UGT1A7: variants seen among roughly 807,000 people sequenced by gnomAD.
The protein encoded by UGT1A7 is UDP-glucuronosyltransferase 1A7.
In UGT1A7, 33 loss-of-function variants were observed where a neutral mutation model predicts 45.6. That is an observed-to-expected ratio of 0.72 (90% CI 0.55 to 0.97). The LOEUF is 0.97. Among genes scored for constraint, UGT1A7 ranks in the 50% least tolerant of loss-of-function variants. The pLI, the probability that UGT1A7 is intolerant of heterozygous loss-of-function variation, is 0.00. For synonymous variants in UGT1A7, 274 were observed against 250.6 expected (o/e 1.09, Z -0.88); for missense variants, 684 against 666.2 (o/e 1.03, Z -0.29).
At chr2:233,768,085 C>T (rs1699559246) in intron 3 of UGT1A7, 135 bp from the exon 4 acceptor site, 1 of 1,591,380 alleles carries the variant, frequency 6.3e-7, no homozygotes, top group East Asian at 2.2e-5. Context: ...TATCTCAACC[C>T]ACATTTTCTT....
intron 1 of UGT1A7, among the ~76,000 whole-genome samples, chr2:233,704,412 T>C (rs965264782): frequency 1.8e-4 from 28 of 152,182 alleles, no homozygotes; most frequent in African/African-American, 6.5e-4. Context: ...TTCAGATTTA[T>C]ACCAACTTAA....
chr2:233,753,853 A>G (rs1695329798), intron 1 of UGT1A7, among the ~76,000 whole-genome samples: 1 of 152,184 alleles, frequency 6.6e-6, no homozygotes, highest in Non-Finnish European at 1.5e-5. Flanking sequence ...TCATTGACCA[A>G]CCACATAACC....
intron 1 of UGT1A7, among the ~76,000 whole-genome samples, chr2:233,732,755 G>GTTT (rs956485327): frequency 1.7e-5 from 2 of 120,222 alleles, no homozygotes; most frequent in African/African-American, 3.0e-5. Flanking sequence ...CACCAGCTTT[G>GTTT]TTTTTTTTTT....
chr2:233,715,994 A>C (rs976183332), intron 1 of UGT1A7, among the ~76,000 whole-genome samples: 1 of 152,088 alleles, frequency 6.6e-6, no homozygotes, highest in African/African-American at 2.4e-5. Context: ...ACACAACAAA[A>C]CCCAAAATGA....
chr2:233,688,981 C>T (rs879842789), intron 1 of UGT1A7, among the ~76,000 whole-genome samples: 2 of 152,190 alleles, frequency 1.3e-5, no homozygotes, highest in African/African-American at 2.4e-5. Flanking sequence ...TCTTTCCCTT[C>T]ATCCCTATGT....
At chr2:233,722,022 T>C (rs2076987174) in intron 1 of UGT1A7, 2 of 248,590 alleles carry the variant, frequency 8.0e-6, no homozygotes, top group Non-Finnish European at 1.6e-5. Flanking sequence ...AACTGAAACC[T>C]CTTGAATTGC....
At position 233,690,407 on chromosome 2, in the gene UGT1A7, T is replaced by C. The variant is rs562981607; in HGVS notation, c.855+7615T>C. The C allele has an allele frequency of 2.3e-4, 269 of 1,195,420 alleles. 5 individuals are homozygous for C. In the South Asian group the frequency reaches 3.5e-3, roughly 16 times the overall value. The allele number at this position is 1,195,420 out of a possible 1,614,324, so 74.1% of individuals were successfully genotyped here. On this transcript the variant is annotated intron_variant, in intron 1 of 4. Coordinates refer to ENST00000373426, the MANE Select transcript of UGT1A7 (RefSeq NM_019077.3). Reference sequence around the variant, plus strand: ...TTTCCAGACCTTCCTATTCCCAACATGAAATTACCTTCATGCACATCTTTG... The same window carrying C: ...TTTCCAGACCTTCCTATTCCCAACACGAAATTACCTTCATGCACATCTTTG...
chr2:233,710,157 C>G (rs2076114557), intron 1 of UGT1A7, among the ~76,000 whole-genome samples: 1 of 152,134 alleles, frequency 6.6e-6, no homozygotes, highest in Non-Finnish European at 1.5e-5. Flanking sequence ...TCATCATTTG[C>G]TTATGCATTT....
At chr2:233,718,783 G>A (rs372445273) in intron 1 of UGT1A7, 52 of 1,612,928 alleles carry the variant, frequency 3.2e-5, no homozygotes, top group African/African-American at 1.5e-4. Flanking sequence ...CAGGCACAGC[G>A]TGGGGTGGAC....
At position 233,719,647 on chromosome 2, in the gene UGT1A7, T is replaced by C. The variant is rs201461954; in HGVS notation, c.855+36855T>C. 6.3e-5 allele frequency: 101 copies of C among 1,614,092 alleles called. No homozygotes were observed. Among genetic ancestry groups the C allele is most frequent in the East Asian group, 2.9e-4 (13 of 44,880 alleles). On this transcript the variant is annotated intron_variant, in intron 1 of 4. Coordinates refer to ENST00000373426, the MANE Select transcript of UGT1A7 (RefSeq NM_019077.3). ...CCGATCATGCCCAACATGGTCTTCATTGGGGGCATCAACTGTGCCAACGGG... is the reference window on the plus strand; with the variant it reads ...CCGATCATGCCCAACATGGTCTTCACTGGGGGCATCAACTGTGCCAACGGG...
At chr2:233,686,774 T>C (rs1410768697) in intron 1 of UGT1A7, among the ~76,000 whole-genome samples, 1 of 152,160 alleles carries the variant, frequency 6.6e-6, no homozygotes, top group Non-Finnish European at 1.5e-5. Context: ...TATGCAACAC[T>C]CCAACTCTCC....
chr2:233,716,312 G>A (rs1303311282), intron 1 of UGT1A7, among the ~76,000 whole-genome samples: 1 of 152,118 alleles, frequency 6.6e-6, no homozygotes, highest in African/African-American at 2.4e-5. Flanking sequence ...TCTTCCACCT[G>A]TAATGGAATA....
chr2:233,684,973 TTGA>T (rs796323328), intron 1 of UGT1A7, among the ~76,000 whole-genome samples: 38 of 152,250 alleles, frequency 2.5e-4, no homozygotes, highest in African/African-American at 8.9e-4. Context: ...AAAGCATTGC[TTGA>T]TGATGCAGTG....
At chr2:233,731,204 C>T (rs755932690) in intron 1 of UGT1A7, among the ~76,000 whole-genome samples, 4 of 151,184 alleles carry the variant, frequency 2.6e-5, no homozygotes, top group Admixed American at 6.6e-5. Context: ...TTATAAAATA[C>T]GTGTTTATTT....
intron 1 of UGT1A7, chr2:233,756,329 T>A (rs934859836): frequency 6.6e-6 from 1 of 152,238 alleles, no homozygotes; most frequent in African/African-American, 2.4e-5. Flanking sequence ...TTTAAACCTC[T>A]AGTCATCTCT....
At position 233,729,868 on chromosome 2, in the gene UGT1A7, A is replaced by C. The variant is rs754430297; in HGVS notation, c.856-37166A>C. On this transcript the variant is annotated intron_variant, in intron 1 of 4. Coordinates refer to ENST00000373426, the MANE Select transcript of UGT1A7 (RefSeq NM_019077.3). ...TCAGAGAGAGGTGTCAGTGGTGGAT[A>C]TTCTCAGTCATGCATCTGTGTGGCT... is the stretch of plus-strand genomic sequence containing the variant. The C allele has an allele frequency of 2.6e-5, 42 of 1,613,556 alleles. No individual in the cohort carries two copies. The highest frequency in any genetic ancestry group is 8.3e-5 in the Admixed American group (5 of 59,972).
intron 1 of UGT1A7, chr2:233,693,616 T>C (rs1361401309): frequency 1.9e-6 from 3 of 1,614,068 alleles, no homozygotes; most frequent in Middle Eastern, 1.6e-4. Context: ...ACCACATGAC[T>C]TTTTCCCAAC....
intron 1 of UGT1A7, among the ~76,000 whole-genome samples, chr2:233,726,421 T>C (rs1301909169): frequency 6.6e-6 from 1 of 152,226 alleles, no homozygotes; most frequent in African/African-American, 2.4e-5. Context: ...TCTGATTCTG[T>C]CCACTCTTAA....
Position 233,682,609 on chromosome 2 carries a change from C to A in UGT1A7, c.672C>A (p.Phe224Leu), listed in dbSNP as rs367786048. ...AACATTTATTTTGCCCCTATTTTTT[C>A]AAAAATGTCTTAGAAATAGCCTCTG... ...LEEHLFCPYF[F>L]KNVLEIASEI... Residue 224 changes from phenylalanine to leucine, a missense_variant, in exon 1 of 5, where the codon TTC (phenylalanine) becomes TTA (leucine). By Grantham distance (22) the Phe-to-Leu change is conservative (BLOSUM62 0). Transcript: ENST00000373426. 2.0e-5 allele frequency: 33 copies of A among 1,613,744 alleles called. No homozygotes were observed. The South Asian group carries it at 3.1e-4, about 15-fold the overall frequency.
Sources: allele counts gnomAD v4.1 joint callset (sites outside exome capture counted in the v4.1 genomes callset), GRCh38; gene constraint gnomAD v4.1.1; transcripts MANE v1.5; gene names NCBI Gene and HGNC (gene_info 2026-07-23, HGNC 2026-07-21).